Variants in RUNDC3B observed in about 807,000 individuals in gnomAD.
The protein encoded by RUNDC3B is RUN domain containing 3B.
In RUNDC3B, 33 loss-of-function variants were observed where a neutral mutation model predicts 58.4. The observed-to-expected ratio is 0.56, with a 90% CI of 0.43 to 0.75. RUNDC3B has a LOEUF of 0.75. RUNDC3B is among the 30% of genes least tolerant of loss of function. The pLI, the probability that RUNDC3B is intolerant of heterozygous loss-of-function variation, is 0.00. For synonymous variants in RUNDC3B, 193 were observed against 195.2 expected (o/e 0.99, Z 0.10); for missense variants, 501 against 535.7 (o/e 0.94, Z 0.64).
chr7:87,725,354 T>G (rs981566426), intron 4 of RUNDC3B, among the ~76,000 whole-genome samples: 1 of 152,132 alleles, frequency 6.6e-6, no homozygotes, highest in Non-Finnish European at 1.5e-5. Context: ...GGTTTTATGT[T>G]CTTGTGATAG....
rs901833767 is a variant in RUNDC3B, at chr7:87,830,165, C to T, written c.*135C>T. 2 of 424,268 alleles carry T rather than the reference C, an allele frequency of 4.7e-6. No homozygotes were observed. The highest frequency in any genetic ancestry group is 4.1e-5 in the African/African-American group (2 of 48,800). The allele number at this position is 424,268 out of a possible 1,614,324, so 26.3% of individuals were successfully genotyped here. ...TTCTATTGCTTGGAGAGAATCCCCT[C>T]CAGATAAGAGATTTTGAGTGAAAAA... On this transcript the variant is annotated 3_prime_UTR_variant, in exon 11 of 11. Transcript: ENST00000394654.
intron 1 of RUNDC3B, among the ~76,000 whole-genome samples, chr7:87,629,515 G>A (rs746565311): frequency 5.9e-5 from 9 of 152,140 alleles, no homozygotes; most frequent in Admixed American, 2.0e-4. Flanking sequence ...TTAAGAGTGG[G>A]ACTGTGGAGG....
intron 9 of RUNDC3B, among the ~76,000 whole-genome samples, chr7:87,811,587 T>C (rs1415568415): frequency 2.0e-5 from 3 of 152,110 alleles, no homozygotes; most frequent in Non-Finnish European, 4.4e-5. Context: ...CCACCCAAAG[T>C]GGGTCTTTGG....
chr7:87,642,407 A>G (rs1299197861), intron 1 of RUNDC3B, among the ~76,000 whole-genome samples: 1 of 152,150 alleles, frequency 6.6e-6, no homozygotes, highest in Non-Finnish European at 1.5e-5. Flanking sequence ...AAAGTATTCT[A>G]TTTGAATATT....
At chr7:87,713,877 A>G (rs555158911) in intron 4 of RUNDC3B, among the ~76,000 whole-genome samples, 2 of 152,308 alleles carry the variant, frequency 1.3e-5, no homozygotes, top group Admixed American at 1.3e-4. Flanking sequence ...ATAAAGATAA[A>G]TTAGCTTTAT....
chr7:87,746,505 G>A (rs1832651487), intron 6 of RUNDC3B, among the ~76,000 whole-genome samples: 1 of 152,130 alleles, frequency 6.6e-6, no homozygotes, highest in Non-Finnish European at 1.5e-5. Flanking sequence ...AGTGTTTGGT[G>A]CTTATACATT....
intron 2 of RUNDC3B, among the ~76,000 whole-genome samples, chr7:87,684,305 CT>C (rs1042677030): frequency 2.0e-5 from 3 of 152,074 alleles, no homozygotes; most frequent in African/African-American, 7.2e-5. Context: ...TTTTAGAAGG[CT>C]TTTTTTGTAG....
At chr7:87,681,696 T>G (rs1436114317) in intron 2 of RUNDC3B, among the ~76,000 whole-genome samples, 1 of 139,876 alleles carries the variant, frequency 7.1e-6, no homozygotes, top group Non-Finnish European at 1.5e-5. Flanking sequence ...TGCTGAAGGA[T>G]GGGGTGGATA....
chr7:87,631,177 T>G (rs1309784492), intron 1 of RUNDC3B, among the ~76,000 whole-genome samples: 2 of 152,236 alleles, frequency 1.3e-5, no homozygotes, highest in Non-Finnish European at 1.5e-5. Flanking sequence ...ATTATCCATG[T>G]GTAGTAATGG....
chr7:87,765,435 T>G (rs569560581), intron 6 of RUNDC3B, among the ~76,000 whole-genome samples: 6 of 152,188 alleles, frequency 3.9e-5, no homozygotes, highest in African/African-American at 1.4e-4. Flanking sequence ...TGGCATTTAG[T>G]GCTATAAACT....
At chr7:87,768,677 C>G (rs1328481552) in intron 6 of RUNDC3B, among the ~76,000 whole-genome samples, 1 of 152,226 alleles carries the variant, frequency 6.6e-6, no homozygotes, top group Non-Finnish European at 1.5e-5. Flanking sequence ...ATGCCCCTAC[C>G]TACCCTTTCT....
At chr7:87,772,775 C>T (rs1485956948) in intron 7 of RUNDC3B, among the ~76,000 whole-genome samples, 2 of 151,918 alleles carry the variant, frequency 1.3e-5, no homozygotes, top group African/African-American at 4.8e-5. Context: ...GTCAACACCA[C>T]CATAAAAGTA....
chr7:87,638,611 AT>A (rs879545318), intron 1 of RUNDC3B, among the ~76,000 whole-genome samples: 237 of 139,744 alleles, frequency 1.7e-3, no homozygotes, highest in South Asian at 4.1e-3. Flanking sequence ...TATATTGTCA[AT>A]TTTTTTTTTT....
intron 9 of RUNDC3B, among the ~76,000 whole-genome samples, chr7:87,809,788 A>G (rs1836613518): frequency 6.6e-6 from 1 of 152,216 alleles, no homozygotes; most frequent in South Asian, 2.1e-4. Context: ...GGAGTTCACC[A>G]TAAAAATCAC....
At chr7:87,770,287 A>G (rs916691656) in intron 6 of RUNDC3B, among the ~76,000 whole-genome samples, 5 of 152,012 alleles carry the variant, frequency 3.3e-5, no homozygotes, top group Non-Finnish European at 7.4e-5. Context: ...TCTTCTCTGG[A>G]AATCTTTTCT....
At chr7:87,672,637 T>C (rs1290392255) in intron 2 of RUNDC3B, among the ~76,000 whole-genome samples, 5 of 152,222 alleles carry the variant, frequency 3.3e-5, no homozygotes, top group African/African-American at 1.2e-4. Context: ...CATGCATGTC[T>C]GAGCAGCATC....
intron 4 of RUNDC3B, among the ~76,000 whole-genome samples, chr7:87,711,657 A>T (rs1330431674): frequency 1.3e-5 from 2 of 152,174 alleles, no homozygotes; most frequent in African/African-American, 4.8e-5. Flanking sequence ...CCACTAACAC[A>T]TGCCATGTAT....
chr7:87,652,691 T>C (rs1361584434), intron 2 of RUNDC3B, among the ~76,000 whole-genome samples: 5 of 149,694 alleles, frequency 3.3e-5, no homozygotes, highest in Non-Finnish European at 7.4e-5. Context: ...TGAGGTATTT[T>C]AAAGATCCAA....
intron 2 of RUNDC3B, among the ~76,000 whole-genome samples, chr7:87,699,923 A>G (rs1457782711): frequency 1.3e-5 from 2 of 152,146 alleles, no homozygotes; most frequent in Non-Finnish European, 1.5e-5. Flanking sequence ...GATTTTATTT[A>G]TTTATAAAGT....
Sources: gnomAD v4.1 joint callset for allele counts (sites outside exome capture counted in the v4.1 genomes callset) on GRCh38, gnomAD v4.1.1 for gene constraint, MANE v1.5 for transcripts, NCBI Gene and HGNC (gene_info 2026-07-23, HGNC 2026-07-21) for gene names.